The following MRPL42 variants were observed in gnomAD, a reference collection of about 807,000 sequenced individuals.
The protein encoded by MRPL42 is mitochondrial ribosomal protein L42.
Under a neutral mutation model 17.9 loss-of-function variants are expected in MRPL42, and 17 were observed. The observed-to-expected ratio is 0.95, with a 90% CI of 0.65 to 1.42. The LOEUF (loss-of-function observed/expected upper bound fraction) is 1.42. Among genes scored for constraint, MRPL42 ranks in the 40% most tolerant of loss-of-function variants. MRPL42 has a pLI of 0.00. For synonymous variants in MRPL42, 59 were observed against 54.4 expected, an observed-to-expected ratio of 1.08 and a Z score of -0.37; for missense variants, 177 against 175.2, an observed-to-expected ratio of 1.01 and a Z score of -0.06.
At chr12:93,499,522 C>T (rs933149634) in intron 5 of MRPL42, among the ~76,000 whole-genome samples, 1 of 151,944 alleles carries the variant, frequency 6.6e-6, no homozygotes, top group Non-Finnish European at 1.5e-5. Flanking sequence ...TTCTGATGAC[C>T]GTTCTCCCTG....
chr12:93,476,599 C>A (rs1160812854), intron 2 of MRPL42, among the ~76,000 whole-genome samples: 1 of 152,208 alleles, frequency 6.6e-6, no homozygotes, highest in Non-Finnish European at 1.5e-5. Context: ...TCAATCCTTA[C>A]TTATTTTCTC....
intron 5 of MRPL42, among the ~76,000 whole-genome samples, chr12:93,500,277 A>G (rs991455840): frequency 3.9e-5 from 6 of 152,196 alleles, no homozygotes; most frequent in Non-Finnish European, 7.4e-5. Context: ...AGGAATTACT[A>G]GGTCAAAAAT....
intron 4 of MRPL42, among the ~76,000 whole-genome samples, chr12:93,485,701 A>G (rs553176802): frequency 1.3e-5 from 2 of 152,264 alleles, no homozygotes; most frequent in Admixed American, 1.3e-4. Flanking sequence ...TTTCATTATG[A>G]TAGCGTTATA....
rs1953711594 is a variant in MRPL42 at position 93,509,988 on chromosome 12, C to G, written c.*8767C>G. ...CCTATTGTTTCCATTAGGGTTCACT[C>G]TTGGTGCTGTACAATCTATGGGTTT... is the stretch of plus-strand genomic sequence containing the variant. On this transcript the variant is annotated 3_prime_UTR_variant, in exon 6 of 6. Transcript: ENST00000549982. 1 of 152,120 alleles carries G rather than the reference C, an allele frequency of 6.6e-6. No individual in the cohort carries two copies. Among genetic ancestry groups the G allele is most frequent in the Non-Finnish European group, 1.5e-5 (1 of 68,034 alleles). 9.4% of individuals were successfully genotyped at this position (152,120 alleles called of 1,614,324 possible). A position where few individuals can be genotyped will look rare whatever the true frequency, so the allele number is the denominator to read the frequency against.
At chr12:93,485,951 A>T (rs1450680963) in intron 4 of MRPL42, among the ~76,000 whole-genome samples, 1 of 151,962 alleles carries the variant, frequency 6.6e-6, no homozygotes, top group Non-Finnish European at 1.5e-5. Flanking sequence ...GACTGCAGCC[A>T]TGCACCACCA....
intron 5 of MRPL42, among the ~76,000 whole-genome samples, chr12:93,491,376 A>G (rs1052313436): frequency 2.6e-5 from 4 of 152,130 alleles, no homozygotes; most frequent in Non-Finnish European, 5.9e-5. Flanking sequence ...TTGGCCATTC[A>G]TATGTTTGGG....
At position 93,514,112 on chromosome 12, in the gene MRPL42, G is replaced by A. The variant is rs1211340120; in HGVS notation, c.*12891G>A. 6.6e-6 allele frequency: 1 copy of A among 152,132 alleles called. No individual in the cohort carries two copies. The highest frequency in any genetic ancestry group is 1.5e-5 in the Non-Finnish European group (1 of 68,104). 9.4% of individuals were successfully genotyped at this position (152,132 alleles called of 1,614,324 possible). On this transcript the variant is annotated 3_prime_UTR_variant, in exon 6 of 6. Coordinates refer to ENST00000549982, the MANE Select transcript of MRPL42 (RefSeq NM_014050.4). Reference sequence around the variant, plus strand: ...GATCTGCCTGCCTCGGCCTCCCAAAGTGCTAGGATTACAGGCGTGAGCCAC... The same window carrying A: ...GATCTGCCTGCCTCGGCCTCCCAAAATGCTAGGATTACAGGCGTGAGCCAC...
chr12:93,484,989 T>C (rs376810048), intron 4 of MRPL42, among the ~76,000 whole-genome samples: 368 of 21,330 alleles, frequency 0.017, 24 homozygotes, highest in African/African-American at 0.044. Flanking sequence ...CATATATATA[T>C]ATATATATAT....
chr12:93,471,840 T>C (rs1442656270), intron 2 of MRPL42, among the ~76,000 whole-genome samples: 1 of 152,162 alleles, frequency 6.6e-6, no homozygotes, highest in Admixed American at 6.6e-5. Flanking sequence ...TTGTTGAGAA[T>C]TGGGAGAAAG....
intron 5 of MRPL42, among the ~76,000 whole-genome samples, chr12:93,496,884 C>T (rs989012553): frequency 2.0e-5 from 3 of 151,998 alleles, no homozygotes; most frequent in Admixed American, 6.6e-5. Flanking sequence ...ACAATCTAGG[C>T]TCACTGTAAC....
In MRPL42 at chr12:93,514,356, T is replaced by A. The variant is rs1334297288; in HGVS notation, c.*13135T>A. ...CTGTCAATCTCGGTTCATTGCAACCTCCACCTCCCAAGCTCAAGCGATTCT... is the reference window on the plus strand; with the variant it reads ...CTGTCAATCTCGGTTCATTGCAACCACCACCTCCCAAGCTCAAGCGATTCT... On this transcript the variant is annotated 3_prime_UTR_variant, in exon 6 of 6. Coordinates refer to ENST00000549982, the MANE Select transcript of MRPL42 (RefSeq NM_014050.4). The A allele has an allele frequency of 2.7e-5, 4 of 146,240 alleles. No homozygotes were observed. Among genetic ancestry groups the A allele is most frequent in the Admixed American group, 7.0e-5 (1 of 14,368 alleles). 9.1% of individuals were successfully genotyped at this position (146,240 alleles called of 1,614,324 possible).
chr12:93,471,653 C>T (rs969763757), intron 2 of MRPL42, among the ~76,000 whole-genome samples: 1 of 152,124 alleles, frequency 6.6e-6, no homozygotes, highest in Non-Finnish European at 1.5e-5. Flanking sequence ...TTGCTTGCCC[C>T]ACTCTCCCAT....
At chr12:93,478,156 A>G (rs1179209422) in intron 3 of MRPL42, among the ~76,000 whole-genome samples, 1 of 151,850 alleles carries the variant, frequency 6.6e-6, no homozygotes, top group Non-Finnish European at 1.5e-5. Context: ...GGGTTTCACC[A>G]TGTTGCCCAG....
chr12:93,481,135 T>A (rs1294898708), intron 4 of MRPL42, among the ~76,000 whole-genome samples: 1 of 152,206 alleles, frequency 6.6e-6, no homozygotes, highest in Non-Finnish European at 1.5e-5. Flanking sequence ...TATCCCCAAA[T>A]GGCTCTTTAT....
At chr12:93,482,645 G>A (rs974870192) in intron 4 of MRPL42, among the ~76,000 whole-genome samples, 4 of 152,130 alleles carry the variant, frequency 2.6e-5, no homozygotes, top group African/African-American at 7.2e-5. Flanking sequence ...ACACTCTTGA[G>A]AACATGTTAC....
At chr12:93,487,399 T>G (rs1466095640) in intron 4 of MRPL42, 98 bp from the exon 5 acceptor site, 1 of 1,113,312 alleles carries the variant, frequency 9.0e-7, no homozygotes, top group African/African-American at 1.6e-5. Flanking sequence ...AGTACTATAG[T>G]GAATTACTGA....
intron 1 of MRPL42, 38 bp downstream of exon 1, chr12:93,467,592 C>T (rs1257703717): frequency 6.5e-6 from 1 of 152,708 alleles, no homozygotes; most frequent in Non-Finnish European, 1.5e-5. Context: ...CGAGGACTTC[C>T]TCGAAACTGG....
Position 93,501,260 on chromosome 12 carries a change from C to T in MRPL42, c.*39C>T, listed in dbSNP as rs375205321. ...GGGGGAATCAAAGAGAAATGTGCCTCATTTGCCATTTGAGAAAATGCAGTC... is the reference window on the plus strand; with the variant it reads ...GGGGGAATCAAAGAGAAATGTGCCTTATTTGCCATTTGAGAAAATGCAGTC... On this transcript the variant is annotated 3_prime_UTR_variant, in exon 6 of 6. Transcript: ENST00000549982. The T allele has an allele frequency of 2.7e-5, 41 of 1,530,558 alleles. No homozygotes were observed. In the South Asian group the frequency reaches 4.5e-4, roughly 17 times the overall value. 94.8% of individuals were successfully genotyped at this position (1,530,558 alleles called of 1,614,324 possible).
intron 5 of MRPL42, among the ~76,000 whole-genome samples, chr12:93,490,222 C>T (rs1244320527): frequency 1.3e-5 from 2 of 152,096 alleles, no homozygotes; most frequent in Admixed American, 6.5e-5. Context: ...GTCTTAAAAC[C>T]GAGCATGTTG....
Sources: gnomAD v4.1 joint callset for allele counts (sites outside exome capture counted in the v4.1 genomes callset) on GRCh38, gnomAD v4.1.1 for gene constraint, MANE v1.5 for transcripts, NCBI Gene and HGNC (gene_info 2026-07-23, HGNC 2026-07-21) for gene names.